The following ROBO1 variants were observed in gnomAD, a reference collection of about 807,000 sequenced individuals.
The protein encoded by ROBO1 is roundabout homolog 1.
Under a neutral mutation model 195.9 loss-of-function variants are expected in ROBO1, and 149 were observed. The ratio of observed to expected loss-of-function variants is 0.76; its 90% confidence interval spans 0.67 to 0.87. The LOEUF (loss-of-function observed/expected upper bound fraction) is 0.87. Ranked by LOEUF, ROBO1 falls within the 40% of genes least tolerant of loss-of-function variation. ROBO1 has a pLI of 0.00. For missense variants in ROBO1, 1,933 were observed against 2,068.3 expected, an observed-to-expected ratio of 0.93 and a Z score of 1.27; for synonymous variants, 816 against 733.2, an observed-to-expected ratio of 1.11 and a Z score of -1.82.
At chr3:79,744,069 A>G (rs1035390735) in intron 1 of ROBO1, among the ~76,000 whole-genome samples, 2 of 152,232 alleles carry the variant, frequency 1.3e-5, no homozygotes, top group African/African-American at 4.8e-5. Flanking sequence ...TGTACCATAC[A>G]TATTTGCATG....
intron 4 of ROBO1, among the ~76,000 whole-genome samples, chr3:78,913,175 A>C (rs575367812): frequency 6.6e-6 from 1 of 152,258 alleles, no homozygotes; most frequent in South Asian, 2.1e-4. Context: ...ATGGAGTAGA[A>C]ATGTGCATCA....
At chr3:78,790,219 C>T (rs2083975522) in intron 4 of ROBO1, among the ~76,000 whole-genome samples, 3 of 152,158 alleles carry the variant, frequency 2.0e-5, no homozygotes, top group Admixed American at 2.0e-4. Context: ...TCTTAGACCT[C>T]ACTCCACCCC....
intron 1 of ROBO1, among the ~76,000 whole-genome samples, chr3:79,694,408 G>GT (rs1560107193): frequency 6.6e-6 from 1 of 151,770 alleles, no homozygotes; most frequent in Non-Finnish European, 1.5e-5. Flanking sequence ...ATACAGTGAT[G>GT]TATGCTGTGA....
chr3:79,053,385 G>GA, intron 3 of ROBO1, among the ~76,000 whole-genome samples: 1 of 152,088 alleles, frequency 6.6e-6, no homozygotes, highest in East Asian at 1.9e-4. Context: ...TTTTCATGAA[G>GA]AGCTGGTACT....
Position 78,661,258 on chromosome 3 carries a change from C to T in ROBO1, c.2092G>A (p.Asp698Asn), listed in dbSNP as rs1378145836. 6.6e-7 allele frequency: 1 copy of T among 1,518,260 alleles called. No individual in the cohort carries two copies. The highest frequency in any genetic ancestry group is 8.9e-7 in the Non-Finnish European group (1 of 1,121,254). 94.0% of individuals were successfully genotyped at this position (1,518,260 alleles called of 1,614,324 possible). ...SSSIEVHWTV[D>N]QQSQYIQGYK... is the part of the protein sequence containing the mutation. ...CCTTGTATATACTGAGACTGTTGAT[C>T]TACCTATTAAAAAGACAAGTAAAAT... Residue 698 changes from aspartate (D) to asparagine (N), a missense_variant, in exon 16 of 31, where the codon GAT becomes AAT. By Grantham distance (23) the Asp-to-Asn change is conservative. Around this residue, in one of 3 missense-constraint regions of ROBO1, gnomAD observed 1,737 missense variants for 1,882.5 expected, o/e 0.92. Transcript: ENST00000464233.
intron 3 of ROBO1, among the ~76,000 whole-genome samples, chr3:78,972,322 A>G (rs568896326): frequency 3.0e-4 from 46 of 152,188 alleles, no homozygotes; most frequent in Admixed American, 1.0e-3. Flanking sequence ...TGCTTTGAAA[A>G]CCAGGTCAAC....
intron 2 of ROBO1, among the ~76,000 whole-genome samples, chr3:79,245,983 A>T (rs879505585): frequency 2.6e-5 from 4 of 152,082 alleles, no homozygotes; most frequent in Non-Finnish European, 5.9e-5. Flanking sequence ...GTCCCAAGTC[A>T]AGTGTGACCC....
intron 2 of ROBO1, among the ~76,000 whole-genome samples, chr3:79,458,136 G>T (rs2107240769): frequency 6.6e-6 from 1 of 152,192 alleles, no homozygotes; most frequent in Non-Finnish European, 1.5e-5. Context: ...AAAAAAAAAT[G>T]TTGATTATGC....
intron 2 of ROBO1, among the ~76,000 whole-genome samples, chr3:79,417,786 G>C (rs2038065092): frequency 6.6e-6 from 1 of 152,146 alleles, no homozygotes; most frequent in Non-Finnish European, 1.5e-5. Context: ...CAATCCTATA[G>C]ATTAGTTTTG....
chr3:79,006,022 A>G (rs947390979), intron 3 of ROBO1, among the ~76,000 whole-genome samples: 2 of 152,206 alleles, frequency 1.3e-5, no homozygotes, highest in African/African-American at 4.8e-5. Flanking sequence ...TGTAATTCAT[A>G]TGCAACACAG....
At chr3:78,688,530 T>C in intron 9 of ROBO1, 118 bp downstream of exon 9, 1 of 1,067,848 alleles carries the variant, frequency 9.4e-7, no homozygotes, top group Non-Finnish European at 1.3e-6. Context: ...ACTCAGAGAT[T>C]TGCCAGTTCT....
At chr3:79,031,096 G>C (rs925386578) in intron 3 of ROBO1, among the ~76,000 whole-genome samples, 5 of 152,222 alleles carry the variant, frequency 3.3e-5, no homozygotes, top group African/African-American at 1.2e-4. Context: ...GTAAGGCAGA[G>C]TGCACCATTG....
chr3:79,653,705 G>A (rs1252127639), intron 1 of ROBO1, among the ~76,000 whole-genome samples: 2 of 151,938 alleles, frequency 1.3e-5, no homozygotes, highest in Non-Finnish European at 2.9e-5. Flanking sequence ...GTAAAATGCA[G>A]TTCCTAGGGA....
intron 2 of ROBO1, among the ~76,000 whole-genome samples, chr3:79,352,646 A>T (rs1252321837): frequency 6.6e-6 from 1 of 151,950 alleles, no homozygotes; most frequent in Non-Finnish European, 1.5e-5. Flanking sequence ...TCCCCTTTCT[A>T]CTCACACTCT....
Position 79,136,736 on chromosome 3 carries a change from T to C in ROBO1, c.89-11197A>G, listed in dbSNP as rs971218979. Among the ~76,000 whole-genome samples the C allele has an allele frequency of 2.6e-5, 4 of 152,128 alleles. No homozygotes were observed. In the South Asian group the frequency reaches 6.2e-4, roughly 24 times the overall value. ...AACTCAAACTTCTGCTTTAATCATG[T>C]ATGGCCCAAATAATTGTTGAATGTA... On this transcript the variant is annotated intron_variant, in intron 2 of 30. Coordinates refer to ENST00000464233, the MANE Select transcript of ROBO1 (RefSeq NM_002941.4).
intron 4 of ROBO1, among the ~76,000 whole-genome samples, chr3:78,756,246 AAAATG>A (rs1412878615): frequency 6.6e-6 from 1 of 152,198 alleles, no homozygotes; most frequent in African/African-American, 2.4e-5. Flanking sequence ...TTTTGATTGG[AAAATG>A]AAAATAACTC....
At chr3:79,631,704 C>G (rs143817351) in intron 1 of ROBO1, among the ~76,000 whole-genome samples, 1 of 152,008 alleles carries the variant, frequency 6.6e-6, no homozygotes, top group East Asian at 1.9e-4. Flanking sequence ...AGAGAACTTA[C>G]AAAACGGGAG....
At chr3:79,598,565 A>T (rs1257272422) in intron 1 of ROBO1, among the ~76,000 whole-genome samples, 1 of 151,888 alleles carries the variant, frequency 6.6e-6, no homozygotes, top group Non-Finnish European at 1.5e-5. Flanking sequence ...ATTTTATTTC[A>T]ATTTTTACCA....
At chr3:78,851,314 C>A (rs1313976028) in intron 4 of ROBO1, among the ~76,000 whole-genome samples, 1 of 152,150 alleles carries the variant, frequency 6.6e-6, no homozygotes, top group African/African-American at 2.4e-5. Flanking sequence ...CTTAACTAGA[C>A]CTCTTTTAAA....
Sources: allele counts gnomAD v4.1 joint callset (sites outside exome capture counted in the v4.1 genomes callset), GRCh38; gene constraint gnomAD v4.1.1; regional missense constraint gnomAD v4.1.1; transcripts MANE v1.5; gene names NCBI Gene and HGNC (gene_info 2026-07-23, HGNC 2026-07-21).